The following ZNF385B variants were observed in gnomAD, a reference collection of about 807,000 sequenced individuals.
The protein encoded by ZNF385B is zinc finger protein 385B.
A neutral mutation model predicts 39.2 loss-of-function variants in ZNF385B; 23 were observed. The ratio of observed to expected loss-of-function variants is 0.59; its 90% CI spans 0.42 to 0.83. The LOEUF (loss-of-function observed/expected upper bound fraction) is 0.83, where lower values mean the gene tolerates loss of function less well. Ranked by LOEUF, ZNF385B falls within the 40% of genes least tolerant of loss-of-function variation. The pLI, the probability that ZNF385B is intolerant of heterozygous loss-of-function variation, is 0.00. For missense variants in ZNF385B, 552 were observed against 598.9 expected, an observed-to-expected ratio of 0.92 and a Z score of 0.82; for synonymous variants, 205 against 222.6, an observed-to-expected ratio of 0.92 and a Z score of 0.70.
chr2:179,698,122 A>G (rs1051727855), intron 3 of ZNF385B, among the ~76,000 whole-genome samples: 23 of 152,078 alleles, frequency 1.5e-4, no homozygotes, highest in African/African-American at 5.6e-4. Context: ...GCACACCAAC[A>G]TGGCACATGT....
At chr2:179,625,687 A>G (rs529294720) in intron 3 of ZNF385B, among the ~76,000 whole-genome samples, 1 of 152,238 alleles carries the variant, frequency 6.6e-6, no homozygotes, top group Non-Finnish European at 1.5e-5. Flanking sequence ...AAAAGTCTTG[A>G]AATGTAATTG....
intron 3 of ZNF385B, among the ~76,000 whole-genome samples, chr2:179,719,280 C>A (rs1337359125): frequency 1.3e-5 from 2 of 152,150 alleles, no homozygotes; most frequent in African/African-American, 2.4e-5. Context: ...GCCGACCAAG[C>A]TGGAGAGGAG....
intron 6 of ZNF385B, among the ~76,000 whole-genome samples, chr2:179,476,962 T>A (rs1347999497): frequency 1.3e-5 from 2 of 152,212 alleles, no homozygotes; most frequent in Non-Finnish European, 2.9e-5. Flanking sequence ...GCCAAATTTA[T>A]GAGGGTGCTT....
intron 3 of ZNF385B, among the ~76,000 whole-genome samples, chr2:179,722,887 A>G (rs1700780863): frequency 6.6e-6 from 1 of 152,178 alleles, no homozygotes; most frequent in South Asian, 2.1e-4. Context: ...TTCTATTAAA[A>G]TGGTCACATG....
At chr2:179,691,323 T>A (rs1337558583) in intron 3 of ZNF385B, among the ~76,000 whole-genome samples, 10 of 152,188 alleles carry the variant, frequency 6.6e-5, no homozygotes, top group African/African-American at 2.2e-4. Context: ...TCACCCAAGA[T>A]CTGCTCTGAT....
chr2:179,576,286 C>T (rs186172551), intron 3 of ZNF385B: 33 of 505,640 alleles, frequency 6.5e-5, no homozygotes, highest in African/African-American at 6.5e-4. Flanking sequence ...CAAAAGTGAA[C>T]CACATTACTC....
At chr2:179,591,489 A>C (rs13000183) in intron 3 of ZNF385B, among the ~76,000 whole-genome samples, 37,997 of 152,000 alleles carry the variant, frequency 0.25, 5,777 homozygotes, top group Non-Finnish European at 0.33. Context: ...CTTTTCTTAA[A>C]TGACTTTTCT....
chr2:179,470,442 A>C (rs1402114583), intron 6 of ZNF385B, among the ~76,000 whole-genome samples: 1 of 152,154 alleles, frequency 6.6e-6, no homozygotes, highest in Non-Finnish European at 1.5e-5. Flanking sequence ...CTATGGTCCC[A>C]TGAAACTGAA....
chr2:179,523,554 C>T (rs1432355126), intron 4 of ZNF385B, among the ~76,000 whole-genome samples: 3 of 151,920 alleles, frequency 2.0e-5, no homozygotes, highest in African/African-American at 7.3e-5. Flanking sequence ...TGACATAATA[C>T]TAGATTATAT....
chr2:179,545,949 T>C (rs888226896), intron 3 of ZNF385B, among the ~76,000 whole-genome samples: 1 of 152,228 alleles, frequency 6.6e-6, no homozygotes, highest in African/African-American at 2.4e-5. Context: ...TAAGTTATTG[T>C]TGACTATAGT....
intron 9 of ZNF385B, among the ~76,000 whole-genome samples, chr2:179,444,427 A>T (rs1361329697): frequency 6.6e-6 from 1 of 152,206 alleles, no homozygotes; most frequent in Non-Finnish European, 1.5e-5. Context: ...GCTAGAATGG[A>T]GAGAGCACAC....
Position 179,572,305 on chromosome 2 carries a change from G to C in ZNF385B, c.299-27336C>G, listed in dbSNP as rs536696007. Among the ~76,000 whole-genome samples, 3 of 152,204 alleles carry C rather than the reference G, an allele frequency of 2.0e-5. No homozygotes were observed. In the East Asian group the frequency reaches 5.8e-4, roughly 29 times the overall value. ...ACTAGGTGTTAAGTATATAATGATG[G>C]ACCAGAAACCTTCAGTCCCTGCCTT... On this transcript the variant is annotated intron_variant, in intron 3 of 9. Transcript: ENST00000410066.
At chr2:179,608,562 G>A (rs1163034107) in intron 3 of ZNF385B, among the ~76,000 whole-genome samples, 4 of 151,962 alleles carry the variant, frequency 2.6e-5, no homozygotes, top group African/African-American at 7.3e-5. Flanking sequence ...ACTCTCCTGG[G>A]CTTGTGCTTC....
intron 3 of ZNF385B, chr2:179,745,609 A>C (rs763108320): frequency 6.0e-6 from 6 of 1,004,528 alleles, no homozygotes; most frequent in Non-Finnish European, 6.9e-6. Context: ...GCACAATGTG[A>C]TAAACACAAT....
rs150614393 is a variant in ZNF385B, at chr2:179,542,306, T to A, written c.441+2521A>T. Among the ~76,000 whole-genome samples, 364 of 152,294 alleles carry A rather than the reference T, an allele frequency of 2.4e-3. 3 individuals are homozygous for A. Among genetic ancestry groups the A allele is most frequent in the African/African-American group, 7.6e-3 (316 of 41,572 alleles). ...GGTGCCACTTGGAATGACTTAATAT[T>A]TAATACACTACTAGAAGGGCTCCTG... is the stretch of plus-strand genomic sequence containing the variant. On this transcript the variant is annotated intron_variant, in intron 4 of 9. Coordinates refer to ENST00000410066, the MANE Select transcript of ZNF385B (RefSeq NM_152520.6).
Position 179,853,044 on chromosome 2 carries a change from G to T in ZNF385B, c.-155+8057C>A, listed in dbSNP as rs954432400. Reference sequence around the variant, plus strand: ...CCTTAAGAACCATACATGCAGTAATGAGGTATATATGGACTTAAGCTCTTT... The same window carrying T: ...CCTTAAGAACCATACATGCAGTAATTAGGTATATATGGACTTAAGCTCTTT... On this transcript the variant is annotated intron_variant, in intron 1 of 9. Coordinates refer to ENST00000410066, the MANE Select transcript of ZNF385B (RefSeq NM_152520.6). 2.0e-5 allele frequency among the ~76,000 whole-genome samples: 3 copies of T among 152,302 alleles called. No homozygotes were observed. In the East Asian group the frequency reaches 5.8e-4, roughly 29 times the overall value.
intron 1 of ZNF385B, among the ~76,000 whole-genome samples, chr2:179,835,117 AGTATT>A (rs1178333169): frequency 6.6e-6 from 1 of 152,234 alleles, no homozygotes; most frequent in Non-Finnish European, 1.5e-5. Flanking sequence ...AGTAGATAGA[AGTATT>A]GTATTGTTAA....
At chr2:179,689,101 T>G (rs1472099807) in intron 3 of ZNF385B, among the ~76,000 whole-genome samples, 3 of 152,120 alleles carry the variant, frequency 2.0e-5, no homozygotes, top group African/African-American at 7.2e-5. Context: ...ATAAAATAAA[T>G]GTAGTTTTAA....
chr2:179,812,564 T>A (rs1706803472), intron 1 of ZNF385B, among the ~76,000 whole-genome samples: 5 of 152,194 alleles, frequency 3.3e-5, no homozygotes. Flanking sequence ...CATTGCATGT[T>A]CTCACTTATA....
Sources: allele counts gnomAD v4.1 joint callset (sites outside exome capture counted in the v4.1 genomes callset), GRCh38; gene constraint gnomAD v4.1.1; transcripts MANE v1.5; gene names NCBI Gene and HGNC (gene_info 2026-07-23, HGNC 2026-07-21).